The following FOXF2 variants were observed in gnomAD, a reference collection of about 807,000 sequenced individuals.
The protein encoded by FOXF2 is forkhead box protein F2.
In FOXF2, 15 loss-of-function variants were observed where a neutral mutation model predicts 29.1. The ratio of observed to expected loss-of-function variants is 0.52; its 90% CI spans 0.35 to 0.79. The LOEUF (loss-of-function observed/expected upper bound fraction) is 0.79. Ranked by LOEUF, FOXF2 falls within the 30% of genes least tolerant of loss-of-function variation. FOXF2 has a pLI of 0.01. For synonymous variants in FOXF2, 337 were observed against 316.5 expected, an observed-to-expected ratio of 1.06 and a Z score of -0.69; for missense variants, 675 against 667.1, an observed-to-expected ratio of 1.01 and a Z score of -0.13.
rs1758873386 is a variant in FOXF2, at chr6:1,394,907, A to AG, written c.*53dup. ...CCGCTCTCTCCTCTCCCCTCCTCAGAGGGGGCAGATAGAAACTGGGACGGA... is the reference window on the plus strand; with the variant it reads ...CCGCTCTCTCCTCTCCCCTCCTCAGAGGGGGGCAGATAGAAACTGGGACGGA... On this transcript the variant is annotated 3_prime_UTR_variant, in exon 2 of 2. Transcript: ENST00000645481. The AG allele has an allele frequency of 1.9e-6, 3 of 1,598,644 alleles. No homozygotes were observed. Among genetic ancestry groups the AG allele is most frequent in the Non-Finnish European group, 2.6e-6 (3 of 1,166,348 alleles).
rs1383690197 is a variant in FOXF2 at position 1,390,449 on chromosome 6, C to T, written c.502C>T (p.Pro168Ser). Residue 168 changes from proline to serine, a missense_variant, in exon 1 of 2, where the codon CCC becomes TCC. Pro to Ser is a moderately conservative substitution (Grantham distance 74, BLOSUM62 -1). Transcript: ENST00000645481. This position sits in a 1 kb window ranked among gnomAD's most constrained non-coding sequence, Gnocchi z 8.5. ...CAAGCTGCCTAAGGGCCTCGGGCGGCCCGGCAAGGGCCACTACTGGACCAT... is the reference window on the plus strand; with the variant it reads ...CAAGCTGCCTAAGGGCCTCGGGCGGTCCGGCAAGGGCCACTACTGGACCAT... ...FIKLPKGLGR[P>S]GKGHYWTIDP... 2 of 1,611,814 alleles carry T rather than the reference C, an allele frequency of 1.2e-6. No individual in the cohort carries two copies. The highest frequency in any genetic ancestry group is 1.7e-6 in the Non-Finnish European group (2 of 1,179,928).
At position 1,390,051 on chromosome 6, in the gene FOXF2, C is replaced by T; in HGVS notation, c.104C>T (p.Ala35Val). The T allele has an allele frequency of 7.3e-7, 1 of 1,376,482 alleles. No homozygotes were observed. The highest frequency in any genetic ancestry group is 1.5e-5 in the South Asian group (1 of 65,520). The allele number at this position is 1,376,482 out of a possible 1,614,324, so 85.3% of individuals were successfully genotyped here. ...CTGATGAGCCCGCCGCCCGCCGCCG[C>T]CGCCGCCGCCGCCGCCGCCCCGGAG... Reference protein sequence around the residue: ...AALMSPPPAAAAAAAAAPETT... With the variant: ...AALMSPPPAAVAAAAAAPETT... Residue 35 changes from alanine (A) to valine (V), a missense_variant, in exon 1 of 2, where the codon GCC becomes GTC. Ala to Val is a moderately conservative substitution (Grantham distance 64). Transcript: ENST00000645481. This position sits in a 1 kb window ranked among gnomAD's most constrained non-coding sequence, Gnocchi z 8.5.
In FOXF2 at chr6:1,390,028, G is replaced by T. The variant is rs1398195194; in HGVS notation, c.81G>T (p.Leu27=). The change falls in exon 1 of 2, where the codon CTG becomes CTT. Residue 27 remains leucine (L), a synonymous_variant. Coordinates refer to ENST00000645481, the MANE Select transcript of FOXF2 (RefSeq NM_001452.2). The surrounding 1 kb of genome is among the most constrained non-coding windows in gnomAD (Gnocchi z 8.5). The part of the protein sequence containing the change: ...SPVPGALQAA[L]MSPPPAAAAA... Reference sequence around the variant, plus strand: ...TCCCCGGCGCGCTCCAGGCCGCCCTGATGAGCCCGCCGCCCGCCGCCGCCG... The same window carrying T: ...TCCCCGGCGCGCTCCAGGCCGCCCTTATGAGCCCGCCGCCCGCCGCCGCCG... The T allele has an allele frequency of 4.4e-5, 59 of 1,336,042 alleles. No homozygotes were observed. Among genetic ancestry groups the T allele is most frequent in the Non-Finnish European group, 5.1e-5 (53 of 1,038,658 alleles). The allele number at this position is 1,336,042 out of a possible 1,614,324, so 82.8% of individuals were successfully genotyped here. A position where few individuals can be genotyped will look rare whatever the true frequency, so the allele number is the denominator to read the frequency against.
At chr6:1,393,494 G>A (rs1429093226) in intron 1 of FOXF2, among the ~76,000 whole-genome samples, 6 of 152,240 alleles carry the variant, frequency 3.9e-5, no homozygotes, top group South Asian at 2.1e-4. Context: ...CGGGGCTCGC[G>A]GGACAGGGCA....
chr6:1,393,788 G>T (rs1758844920), intron 1 of FOXF2, among the ~76,000 whole-genome samples: 1 of 152,240 alleles, frequency 6.6e-6, no homozygotes, highest in South Asian at 2.1e-4. Context: ...AGAGGGCCCG[G>T]TCCAGCAGCC....
Position 1,392,127 on chromosome 6 carries a change from G to T in FOXF2, c.1171+1009G>T, listed in dbSNP as rs1256631114. On this transcript the variant is annotated intron_variant, in intron 1 of 1. Transcript: ENST00000645481. ...CAGCAATGAGACAGTGGCTTGGAGGGTGATGCATGCTTTATGTGTTCCTGA... is the reference window on the plus strand; with the variant it reads ...CAGCAATGAGACAGTGGCTTGGAGGTTGATGCATGCTTTATGTGTTCCTGA... Among the ~76,000 whole-genome samples, 3 of 152,174 alleles carry T rather than the reference G, an allele frequency of 2.0e-5. No homozygotes were observed. In the East Asian group the frequency reaches 5.8e-4, roughly 29 times the overall value.
rs763444640 is a variant in FOXF2 at position 1,390,138 on chromosome 6, A to G, written c.191A>G (p.Asn64Ser). 24 of 1,431,232 alleles carry G rather than the reference A, an allele frequency of 1.7e-5. No homozygotes were observed. In the African/African-American group the frequency reaches 2.9e-4, roughly 17 times the overall value. The allele number at this position is 1,431,232 out of a possible 1,614,324, so 88.7% of individuals were successfully genotyped here. Reference protein sequence around the residue: ...ASCASSSSSSNSASAPSAACK... With the variant: ...ASCASSSSSSSSASAPSAACK... ...TGCGCCTCGTCCTCGTCCTCCTCCA[A>G]TTCGGCCAGCGCCCCCTCGGCTGCC... Residue 64 changes from asparagine (N) to serine (S), a missense_variant, in exon 1 of 2, where the codon AAT becomes AGT. Asn to Ser is a conservative substitution (Grantham distance 46). This residue lies in a region of FOXF2 where 220 missense variants were observed against 205.5 expected (regional missense o/e 1.07). Transcript: ENST00000645481. This position sits in a 1 kb window ranked among gnomAD's most constrained non-coding sequence, Gnocchi z 8.5.
In FOXF2 at chr6:1,391,118, G is replaced by C; in HGVS notation, c.1171G>C (p.Val391Leu). 6.2e-7 allele frequency: 1 copy of C among 1,601,090 alleles called. No individual in the cohort carries two copies. Among genetic ancestry groups the C allele is most frequent in the Admixed American group, 1.7e-5 (1 of 59,986 alleles). ...CCAGAACGCTCGCGAGGACCTCTCA[G>C]GTAACGCAGCACGCTCCAGCCCAGC... is the stretch of plus-strand genomic sequence containing the variant. ...LHQNAREDLS[V>L]GLPRYQHHST... The change falls in exon 1 of 2, where the codon GTG (valine) becomes CTG (leucine). Residue 391 changes from valine (V) to leucine (L), a missense_variant and splice_region_variant. Coordinates refer to ENST00000645481, the MANE Select transcript of FOXF2 (RefSeq NM_001452.2).
Position 1,390,322 on chromosome 6 carries a change from G to C in FOXF2, c.375G>C (p.Glu125Asp). ...CCAGCAAGCGCCTGACGCTCAGCGA[G>C]ATCTACCAGTTCCTGCAGGCGCGCT... ...SSPSKRLTLS[E>D]IYQFLQARFP... is the part of the protein sequence containing the mutation. The change falls in exon 1 of 2, where the codon GAG becomes GAC. Residue 125 changes from glutamate (E) to aspartate (D), a missense_variant. By Grantham distance (45) the Glu-to-Asp change is conservative. Around this residue, in one of 3 missense-constraint regions of FOXF2, gnomAD observed 220 missense variants for 205.5 expected, o/e 1.07. Transcript: ENST00000645481. This position sits in a 1 kb window ranked among gnomAD's most constrained non-coding sequence, Gnocchi z 8.5. The C allele has an allele frequency of 6.2e-7, 1 of 1,613,374 alleles. No individual in the cohort carries two copies. The highest frequency in any genetic ancestry group is 8.5e-7 in the Non-Finnish European group (1 of 1,179,934).
intron 1 of FOXF2, among the ~76,000 whole-genome samples, chr6:1,392,434 T>C (rs562031994): frequency 1.1e-4 from 12 of 107,770 alleles, no homozygotes; most frequent in African/African-American, 3.4e-4. Context: ...CGGCTGTCAA[T>C]CACACACACA....
chr6:1,395,186 GA>G lies in FOXF2; in HGVS notation c.*333del. On this transcript the variant is annotated 3_prime_UTR_variant, in exon 2 of 2. Coordinates refer to ENST00000645481, the MANE Select transcript of FOXF2 (RefSeq NM_001452.2). ...TCGTTGCCTTCAGTAATCAGGGTGT[GA>G]AAAAAGCAGACAAGTTGTGTGTGTG... 2 of 378,566 alleles carry G rather than the reference GA, an allele frequency of 5.3e-6. No homozygotes were observed. The highest frequency in any genetic ancestry group is 9.9e-6 in the Non-Finnish European group (2 of 202,134). The allele number at this position is 378,566 out of a possible 1,614,324, so 23.5% of individuals were successfully genotyped here.
intron 1 of FOXF2, among the ~76,000 whole-genome samples, chr6:1,392,968 C>T (rs1713652590): frequency 6.6e-6 from 1 of 152,220 alleles, no homozygotes; most frequent in Non-Finnish European, 1.5e-5. Flanking sequence ...ATAGGATACC[C>T]ACCCGGCCCT....
chr6:1,390,050 G>GCCA lies in FOXF2; in HGVS notation c.105_106insACC (p.Ala35_Ala36insThr). 7.3e-7 allele frequency: 1 copy of GCCA among 1,363,590 alleles called. No individual in the cohort carries two copies. The highest frequency in any genetic ancestry group is 9.5e-7 in the Non-Finnish European group (1 of 1,051,830). The allele number at this position is 1,363,590 out of a possible 1,614,324, so 84.5% of individuals were successfully genotyped here. ...CCTGATGAGCCCGCCGCCCGCCGCCGCCGCCGCCGCCGCCGCCGCCCCGGA... is the reference window on the plus strand; with the variant it reads ...CCTGATGAGCCCGCCGCCCGCCGCCGCCACCGCCGCCGCCGCCGCCGCCCCGGA... On this transcript the variant is annotated inframe_insertion, in exon 1 of 2. Transcript: ENST00000645481. This position sits in a 1 kb window ranked among gnomAD's most constrained non-coding sequence, Gnocchi z 8.5.
At position 1,390,069 on chromosome 6, in the gene FOXF2, C is replaced by CCGT; in HGVS notation, c.123_124insGTC (p.Ala41_Pro42insVal). Reference sequence around the variant, plus strand: ...GCCGCCGCCGCCGCCGCCGCCGCCGCCCCGGAGACCACCTCCTCCTCCTCG... The same window carrying CCGT: ...GCCGCCGCCGCCGCCGCCGCCGCCGCCGTCCCGGAGACCACCTCCTCCTCCTCG... On this transcript the variant is annotated inframe_insertion, in exon 1 of 2. Transcript: ENST00000645481. This position sits in a 1 kb window ranked among gnomAD's most constrained non-coding sequence, Gnocchi z 8.5. The CCGT allele has an allele frequency of 7.1e-7, 1 of 1,404,220 alleles. No individual in the cohort carries two copies. The highest frequency in any genetic ancestry group is 9.3e-7 in the Non-Finnish European group (1 of 1,073,206). The allele number at this position is 1,404,220 out of a possible 1,614,324, so 87.0% of individuals were successfully genotyped here.
rs754949198 is a variant in FOXF2 at position 1,394,739 on chromosome 6, C to T, written c.1215C>T (p.Asp405=). The T allele has an allele frequency of 1.9e-6, 3 of 1,613,996 alleles. No individual in the cohort carries two copies. Among genetic ancestry groups the T allele is most frequent in the Non-Finnish European group, 2.5e-6 (3 of 1,179,996 alleles). ...AGCATCACTCTACTCCAGTGTGTGA[C>T]AGAAAAGATTTCGTCCTCAACTTCA... The part of the protein sequence containing the change: ...RYQHHSTPVC[D]RKDFVLNFNG... The change falls in exon 2 of 2, where the codon GAC becomes GAT. Residue 405 remains aspartate, a synonymous_variant. Coordinates refer to ENST00000645481, the MANE Select transcript of FOXF2 (RefSeq NM_001452.2).
Position 1,390,655 on chromosome 6 carries a change from C to T in FOXF2, c.708C>T (p.Gly236=). 6.4e-7 allele frequency: 1 copy of T among 1,565,320 alleles called. No individual in the cohort carries two copies. The highest frequency in any genetic ancestry group is 8.6e-7 in the Non-Finnish European group (1 of 1,164,512). Residue 236 remains glycine (G), a synonymous_variant, in exon 1 of 2, where the codon GGC becomes GGT. Transcript: ENST00000645481. The surrounding 1 kb of genome is among the most constrained non-coding windows in gnomAD (Gnocchi z 8.5). ...DFQAPPSAPL[G]CHSQGGYGGL... ...AGGCGCCCCCGTCGGCGCCGCTCGGCTGCCACAGCCAGGGCGGCTACGGCG... is the reference window on the plus strand; with the variant it reads ...AGGCGCCCCCGTCGGCGCCGCTCGGTTGCCACAGCCAGGGCGGCTACGGCG...
At chr6:1,393,052 C>T (rs1284038582) in intron 1 of FOXF2, among the ~76,000 whole-genome samples, 1 of 152,218 alleles carries the variant, frequency 6.6e-6, no homozygotes, top group Non-Finnish European at 1.5e-5. Context: ...CCCCGCGGGG[C>T]CTAGTTGGGA....
At chr6:1,394,491 C>T (rs1317057990) in intron 1 of FOXF2, among the ~76,000 whole-genome samples, 1 of 152,152 alleles carries the variant, frequency 6.6e-6, no homozygotes, top group African/African-American at 2.4e-5. Context: ...AGCATCAAAA[C>T]AAAACATAAT....
intron 1 of FOXF2, among the ~76,000 whole-genome samples, chr6:1,391,711 T>C (rs570344378): frequency 2.8e-4 from 43 of 152,050 alleles, no homozygotes; most frequent in African/African-American, 9.9e-4. Context: ...ACCAAACTGT[T>C]GGAGACTCCT....
Sources: gnomAD v4.1 joint callset for allele counts (sites outside exome capture counted in the v4.1 genomes callset) on GRCh38, gnomAD v4.1.1 for gene constraint, gnomAD v4.1.1 regional missense constraint, Gnocchi (gnomAD v3.1) non-coding constraint, MANE v1.5 for transcripts, NCBI Gene and HGNC (gene_info 2026-07-23, HGNC 2026-07-21) for gene names.